The following OCRL variants were observed in gnomAD, a reference collection of about 807,000 sequenced individuals.
OCRL encodes the protein inositol polyphosphate 5-phosphatase OCRL.
In OCRL, 8 loss-of-function variants were observed where a neutral mutation model predicts 78.9. The observed-to-expected ratio is 0.10, with a 90% CI of 0.06 to 0.18. OCRL has a LOEUF of 0.18. Among genes scored for constraint, OCRL ranks in the 10% least tolerant of loss-of-function variants. The pLI is 1.00. For missense variants in OCRL, 454 were observed against 696.7 expected (o/e 0.65, Z 3.92); for synonymous variants, 240 against 235.4 (o/e 1.02, Z -0.18).
rs906114933 is a variant in OCRL, at chrX:129,572,359, A to G, written c.1603-2781A>G. Among the ~76,000 whole-genome samples the G allele has an allele frequency of 2.7e-5, 3 of 112,194 alleles. No individual in the cohort carries two copies. The East Asian group carries it at 8.4e-4, about 31-fold the overall frequency. ...TTTCAAATTCCTAATTTTGTCAGTA[A>G]TTTCCTTTACTAAAATGGATGTGTC... On this transcript the variant is annotated intron_variant, in intron 15 of 23. Coordinates refer to ENST00000371113, the MANE Select transcript of OCRL (RefSeq NM_000276.4).
intron 9 of OCRL, 33 bp downstream of exon 9, chrX:129,560,684 A>G: frequency 7.2e-6 from 7 of 978,874 alleles, no homozygotes; most frequent in Middle Eastern, 2.6e-4. Context: ...CCTTTTGGCT[A>G]TATGTTTGGT....
chrX:129,543,757 T>C (rs1410553271), intron 2 of OCRL, among the ~76,000 whole-genome samples: 2 of 112,923 alleles, frequency 1.8e-5, no homozygotes, highest in Admixed American at 1.9e-4. Flanking sequence ...GACAACAAAA[T>C]AGAAATCAAA....
chrX:129,581,327 A>G (rs1936436593), intron 18 of OCRL, among the ~76,000 whole-genome samples: 1 of 112,428 alleles, frequency 8.9e-6, no homozygotes, highest in Non-Finnish European at 1.9e-5. Context: ...GAAATCCTGA[A>G]CTAAGTTCTC....
At position 129,562,633 on chromosome X, in the gene OCRL, T is replaced by A. The variant is rs957670778; in HGVS notation, c.1091T>A (p.Phe364Tyr). 1 of 1,211,539 alleles carries A rather than the reference T, an allele frequency of 8.3e-7. No homozygotes were observed. Among genetic ancestry groups the A allele is most frequent in the Non-Finnish European group, 1.1e-6 (1 of 895,160 alleles). ...GGTGGGGTAGCTGTGAGATTTGTAT[T>A]TCACAACACCACCTTTTGCATTGTC... Reference protein sequence around the residue: ...NKGGVAVRFVFHNTTFCIVNS... With the variant: ...NKGGVAVRFVYHNTTFCIVNS... The change falls in exon 12 of 24, where the codon TTT becomes TAT. Residue 364 changes from phenylalanine to tyrosine, a missense_variant. By Grantham distance (22) the Phe-to-Tyr change is conservative. Transcript: ENST00000371113.
At chrX:129,564,137 C>T (rs1354327267) in intron 12 of OCRL, among the ~76,000 whole-genome samples, 1 of 111,231 alleles carries the variant, frequency 9.0e-6, no homozygotes. Context: ...CCATCACTGG[C>T]CATCAGAGAA....
At chrX:129,552,085 A>G (rs899496859) in intron 4 of OCRL, among the ~76,000 whole-genome samples, 3 of 112,117 alleles carry the variant, frequency 2.7e-5, no homozygotes, top group African/African-American at 9.7e-5. Flanking sequence ...TGAGATTTCA[A>G]AAATGAGAAT....
chrX:129,587,369 C>T (rs1936527110), intron 20 of OCRL, among the ~76,000 whole-genome samples: 1 of 111,170 alleles, frequency 9.0e-6, no homozygotes, highest in Admixed American at 9.6e-5. Context: ...ATTAAGAGCA[C>T]CTGTCTCCTG....
intron 5 of OCRL, 84 bp from the exon 6 acceptor site, chrX:129,557,777 T>C: frequency 2.9e-6 from 2 of 682,626 alleles, no homozygotes; most frequent in Non-Finnish European, 4.9e-6. Context: ...ATATAAGGAA[T>C]GTTGAAAGAA....
intron 3 of OCRL, among the ~76,000 whole-genome samples, chrX:129,547,308 A>G (rs184782843): frequency 4.7e-3 from 519 of 110,001 alleles, no homozygotes; most frequent in African/African-American, 0.012. Flanking sequence ...GGCAGATCAC[A>G]AGGTCAGGAG....
At chrX:129,575,723 A>G in intron 16 of OCRL, 174 bp from the exon 17 acceptor site, 1 of 511,223 alleles carries the variant, frequency 2.0e-6, no homozygotes, top group East Asian at 3.6e-5. Flanking sequence ...TGCTGGTGTG[A>G]GTATAATAAT....
chrX:129,555,526 A>G (rs1266253842), intron 4 of OCRL, among the ~76,000 whole-genome samples: 4 of 112,447 alleles, frequency 3.6e-5, no homozygotes, highest in Non-Finnish European at 5.6e-5. Flanking sequence ...TAATGCATGC[A>G]TAGTTGAGAA....
rs368755175 is a variant in OCRL at position 129,567,277 on chromosome X, A to G, written c.1380A>G (p.Lys460=). The G allele has an allele frequency of 7.5e-6, 9 of 1,207,299 alleles. No homozygotes were observed. The highest frequency in any genetic ancestry group is 1.0e-5 in the Non-Finnish European group (9 of 891,312). Residue 460 remains lysine, a synonymous_variant, in exon 14 of 24, where the codon AAA becomes AAG. Coordinates refer to ENST00000371113, the MANE Select transcript of OCRL (RefSeq NM_000276.4). ...FDQLNIQRTQ[K]KAFVDFNEGE... is the part of the protein sequence containing the mutation. The stretch of plus-strand genomic sequence containing the variant: ...AGCTAAATATTCAGCGCACACAGAA[A>G]AAAGCTTTTGTTGACTTCAATGAAG...
In OCRL at chrX:129,562,519, G is replaced by T. The variant is rs906061662; in HGVS notation, c.1056+19G>T. 5.0e-6 allele frequency: 6 copies of T among 1,189,425 alleles called. No individual in the cohort carries two copies. Among genetic ancestry groups the T allele is most frequent in the Non-Finnish European group, 6.9e-6 (6 of 875,312 alleles). On this transcript the variant is annotated intron_variant, in intron 11 of 23. Transcript: ENST00000371113. ...GAAAATGGTGAGTTACTTTGGAAATGAGCTTGATTATTATTCATGTTCATG... is the reference window on the plus strand; with the variant it reads ...GAAAATGGTGAGTTACTTTGGAAATTAGCTTGATTATTATTCATGTTCATG...
At position 129,562,377 on chromosome X, in the gene OCRL, C is replaced by T; in HGVS notation, c.940-7C>T. Reference sequence around the variant, plus strand: ...ATTAACCTTTTGTAACTCCCCGGAACTCATAGGTTCAACTGGTGCGCCTTG... The same window carrying T: ...ATTAACCTTTTGTAACTCCCCGGAATTCATAGGTTCAACTGGTGCGCCTTG... On this transcript the variant is annotated splice_region_variant and splice_polypyrimidine_tract_variant and intron_variant, in intron 10 of 23. Transcript: ENST00000371113. The T allele has an allele frequency of 8.4e-7, 1 of 1,187,062 alleles. No homozygotes were observed. The highest frequency in any genetic ancestry group is 1.1e-6 in the Non-Finnish European group (1 of 872,882).
intron 3 of OCRL, 70 bp downstream of exon 3, chrX:129,545,107 A>G: frequency 5.1e-6 from 3 of 587,560 alleles, no homozygotes; most frequent in Non-Finnish European, 8.8e-6. Context: ...ATGTAATACC[A>G]TACATATTTA....
At chrX:129,544,373 G>T (rs1308173538) in intron 2 of OCRL, among the ~76,000 whole-genome samples, 1 of 111,480 alleles carries the variant, frequency 9.0e-6, no homozygotes, top group Non-Finnish European at 1.9e-5. Context: ...ATCCAGTTGT[G>T]ATATCTGCCA....
At chrX:129,588,647 C>A (rs1936547093) in intron 21 of OCRL, among the ~76,000 whole-genome samples, 1 of 112,085 alleles carries the variant, frequency 8.9e-6, no homozygotes, top group Non-Finnish European at 1.9e-5. Context: ...TGTCACTCTG[C>A]AGGCTATATT....
intron 18 of OCRL, among the ~76,000 whole-genome samples, chrX:129,582,789 C>A (rs1178576233): frequency 8.9e-6 from 1 of 111,818 alleles, no homozygotes; most frequent in Admixed American, 9.5e-5. Flanking sequence ...TATTAAAACG[C>A]CTAATCCCCA....
intron 1 of OCRL, 59 bp from the exon 2 acceptor site, chrX:129,540,685 G>T (rs376819290): frequency 1.0e-6 from 1 of 969,840 alleles, no homozygotes; most frequent in East Asian, 3.1e-5. Flanking sequence ...CCTTCGCCCC[G>T]CAGTGCACCA....
Sources: allele counts gnomAD v4.1 joint callset (sites outside exome capture counted in the v4.1 genomes callset), GRCh38; gene constraint gnomAD v4.1.1; transcripts MANE v1.5; gene names NCBI Gene and HGNC (gene_info 2026-07-23, HGNC 2026-07-21).